Variants in MAP3K9 observed in about 807,000 individuals in gnomAD.
MAP3K9 encodes mitogen-activated protein kinase kinase kinase 9.
MAP3K9 carries 46 observed loss-of-function variants against 95.8 expected under a neutral mutation model. The ratio of observed to expected loss-of-function variants is 0.48; its 90% CI spans 0.38 to 0.61. The LOEUF is 0.61. Ranked by LOEUF, MAP3K9 falls within the 20% of genes least tolerant of loss-of-function variation. MAP3K9 has a pLI of 0.00. For synonymous variants in MAP3K9, 533 were observed against 593.8 expected (o/e 0.90, Z 1.49); for missense variants, 1,296 against 1,474.3 (o/e 0.88, Z 1.98).
chr14:70,752,062 T>C (rs1476276414), intron 3 of MAP3K9, among the ~76,000 whole-genome samples: 1 of 152,212 alleles, frequency 6.6e-6, no homozygotes, highest in Admixed American at 6.5e-5. Context: ...TTTACCCCAG[T>C]GAGGCCTTCA....
intron 2 of MAP3K9, among the ~76,000 whole-genome samples, chr14:70,795,194 C>T: frequency 6.6e-6 from 1 of 151,762 alleles, no homozygotes; most frequent in African/African-American, 2.4e-5. Context: ...GATGGGGTTT[C>T]ACTATGATGG....
At chr14:70,744,252 GT>G (rs1326216428) in intron 5 of MAP3K9, among the ~76,000 whole-genome samples, 1 of 152,056 alleles carries the variant, frequency 6.6e-6, no homozygotes, top group African/African-American at 2.4e-5. Context: ...TAGGTGACAG[GT>G]TGATGGGTGC....
intron 3 of MAP3K9, 52 bp downstream of exon 3, chr14:70,760,950 G>A: frequency 6.3e-7 from 1 of 1,580,680 alleles, no homozygotes; most frequent in African/African-American, 1.3e-5. Context: ...TGAAATGTGT[G>A]TGCCACCAAG....
chr14:70,755,776 C>G (rs868810805), intron 3 of MAP3K9, among the ~76,000 whole-genome samples: 8 of 152,200 alleles, frequency 5.3e-5, no homozygotes, highest in African/African-American at 7.2e-5. Context: ...GAAGCTAAGA[C>G]AGCTGAAAGG....
rs540209661 is a variant in MAP3K9 at position 70,729,463 on chromosome 14, A to G, written c.*917T>C. The stretch of plus-strand genomic sequence containing the variant: ...AGTTCAGACAGCAAAAGGAACAGAC[A>G]GTGGAATTTTGTCTCTGACTTAGAA... On this transcript the variant is annotated 3_prime_UTR_variant, in exon 12 of 12. Transcript: ENST00000554752. 2.0e-5 allele frequency: 3 copies of G among 152,252 alleles called. No individual in the cohort carries two copies. Among genetic ancestry groups the G allele is most frequent in the Non-Finnish European group, 4.4e-5 (3 of 68,050 alleles). The allele number at this position is 152,252 out of a possible 1,614,324, so 9.4% of individuals were successfully genotyped here.
At chr14:70,765,400 A>G in intron 2 of MAP3K9, 1 of 652,936 alleles carries the variant, frequency 1.5e-6, no homozygotes, top group Non-Finnish European at 2.8e-6. Flanking sequence ...GGTGGTATAC[A>G]GTAATGTCCT....
At chr14:70,743,712 C>T (rs144649732) in intron 5 of MAP3K9, among the ~76,000 whole-genome samples, 3 of 152,106 alleles carry the variant, frequency 2.0e-5, no homozygotes, top group African/African-American at 7.2e-5. Context: ...AACAAAGATG[C>T]TGGAGAGGAT....
At chr14:70,749,893 CAA>C (rs748283285) in intron 4 of MAP3K9, 38 bp downstream of exon 4, 1 of 1,613,324 alleles carries the variant, frequency 6.2e-7, no homozygotes, top group Non-Finnish European at 8.5e-7. Flanking sequence ...TTACAAGAGG[CAA>C]AGTGTCTCCA....
chr14:70,736,520 C>A (rs1456280983), intron 8 of MAP3K9, among the ~76,000 whole-genome samples: 1 of 152,018 alleles, frequency 6.6e-6, no homozygotes, highest in African/African-American at 2.4e-5. Context: ...TCAATAGGAA[C>A]TAAGACTCAT....
chr14:70,800,884 G>A lies in MAP3K9; in HGVS notation c.603C>T (p.Pro201=). The A allele has an allele frequency of 1.2e-6, 2 of 1,614,180 alleles. No homozygotes were observed. The highest frequency in any genetic ancestry group is 1.7e-6 in the Non-Finnish European group (2 of 1,180,038). The change falls in exon 2 of 12, where the codon CCC becomes CCT. Residue 201 remains proline, a synonymous_variant. Transcript: ENST00000554752. The part of the protein sequence containing the change: ...EAKLFAMLKH[P]NIIALRGVCL... The stretch of plus-strand genomic sequence containing the variant: ...ATACCCCTCTTAGGGCAATGATGTT[G>A]GGGTGCTTCAGCATGGCGAAGAGCT...
At position 70,761,002 on chromosome 14, in the gene MAP3K9, C is replaced by A; in HGVS notation, c.1001G>T (p.Ser334Ile). ...SMFSKGSDVW[S>I]YGVLLWELLT... ...CTGTCCCTGCCCCCCTGGACCTTAC[C>A]TCCACACATCACTGCCTTTGGAAAA... Residue 334 changes from serine (S) to isoleucine (I), a missense_variant and splice_region_variant, in exon 3 of 12, where the codon AGC becomes ATC. This residue lies in a region of MAP3K9 where 136 missense variants were observed against 221.5 expected (regional missense o/e 0.61). Transcript: ENST00000554752. 1 of 1,613,668 alleles carries A rather than the reference C, an allele frequency of 6.2e-7. No individual in the cohort carries two copies. Among genetic ancestry groups the A allele is most frequent in the Non-Finnish European group, 8.5e-7 (1 of 1,179,910 alleles).
intron 3 of MAP3K9, among the ~76,000 whole-genome samples, chr14:70,754,657 G>A (rs2054274167): frequency 6.6e-6 from 1 of 152,220 alleles, no homozygotes; most frequent in South Asian, 2.1e-4. Context: ...ATTTTTAGTA[G>A]AGATGGGGTT....
intron 2 of MAP3K9, among the ~76,000 whole-genome samples, chr14:70,773,877 TTAC>T (rs1220284854): frequency 1.3e-5 from 2 of 152,198 alleles, no homozygotes. Flanking sequence ...TCAGCTAGTG[TTAC>T]TTTAAGTGTC....
chr14:70,774,983 C>CAAAAAAAAAAAAAAAAAAAAAAAAAA (rs60144338), intron 2 of MAP3K9, among the ~76,000 whole-genome samples: 6 of 55,096 alleles, frequency 1.1e-4, no homozygotes, highest in Non-Finnish European at 1.8e-4. Flanking sequence ...ACTCTGTCCC[C>CAAAAAAAAAAAAAAAAAAAAAAAAAA]AAAAAAAAAA....
At position 70,800,752 on chromosome 14, in the gene MAP3K9, C is replaced by A; in HGVS notation, c.735G>T (p.Trp245Cys). The change falls in exon 2 of 12, where the codon TGG becomes TGT. Residue 245 changes from tryptophan (W) to cysteine (C), a missense_variant. Physicochemically the swap from Trp to Cys is radical, Grantham distance 215. Around this residue, in one of 5 missense-constraint regions of MAP3K9, gnomAD observed 338 missense variants for 363.4 expected, o/e 0.93. Coordinates refer to ENST00000554752, the MANE Select transcript of MAP3K9 (RefSeq NM_001284230.2). ...TCATCCCTCTGGCAATCTGCACAGCCCAATTCACCAGGATGTCTGGGGGAA... is the reference window on the plus strand; with the variant it reads ...TCATCCCTCTGGCAATCTGCACAGCACAATTCACCAGGATGTCTGGGGGAA... The part of the protein sequence containing the change: ...KRIPPDILVN[W>C]AVQIARGMNY... The A allele has an allele frequency of 1.2e-6, 2 of 1,614,160 alleles. No homozygotes were observed. The highest frequency in any genetic ancestry group is 1.7e-6 in the Non-Finnish European group (2 of 1,180,032).
chr14:70,744,974 T>C (rs2054125652), intron 5 of MAP3K9, among the ~76,000 whole-genome samples: 1 of 152,102 alleles, frequency 6.6e-6, no homozygotes, highest in African/African-American at 2.4e-5. Flanking sequence ...AGTTCACAAG[T>C]GAGCCCAGCA....
intron 1 of MAP3K9, among the ~76,000 whole-genome samples, chr14:70,802,941 G>A (rs549562149): frequency 3.9e-5 from 6 of 152,240 alleles, no homozygotes; most frequent in East Asian, 3.9e-4. Context: ...CAGTGCTGGC[G>A]GTGGGGCCTG....
intron 6 of MAP3K9, among the ~76,000 whole-genome samples, chr14:70,741,599 T>C (rs2054070469): frequency 6.6e-6 from 1 of 152,258 alleles, no homozygotes; most frequent in African/African-American, 2.4e-5. Flanking sequence ...TCAACTGATG[T>C]GTGTGTCTGA....
intron 1 of MAP3K9, among the ~76,000 whole-genome samples, chr14:70,802,942 G>A (rs2054946907): frequency 6.6e-6 from 1 of 152,130 alleles, no homozygotes; most frequent in South Asian, 2.1e-4. Context: ...AGTGCTGGCG[G>A]TGGGGCCTGG....
Sources: allele counts gnomAD v4.1 joint callset (sites outside exome capture counted in the v4.1 genomes callset), GRCh38; gene constraint gnomAD v4.1.1; regional missense constraint gnomAD v4.1.1; transcripts MANE v1.5; gene names NCBI Gene and HGNC (gene_info 2026-07-23, HGNC 2026-07-21).